Variants in VRK3 observed in about 807,000 individuals in gnomAD.
The protein encoded by VRK3 is serine/threonine-protein kinase VRK3.
In VRK3, 50 loss-of-function variants were observed where a neutral mutation model predicts 60.4. The ratio of observed to expected loss-of-function variants is 0.83; its 90% CI spans 0.66 to 1.05. VRK3 has a LOEUF of 1.05. Among genes scored for constraint, VRK3 ranks in the 50% least tolerant of loss-of-function variants. The probability of loss-of-function intolerance (pLI) is 0.00; values close to 1 mark genes in which losing one functional copy is unlikely to be tolerated. For missense variants in VRK3, 549 were observed against 585.3 expected (o/e 0.94, Z 0.64); for synonymous variants, 246 against 227.8 (o/e 1.08, Z -0.72).
intron 1 of VRK3, among the ~76,000 whole-genome samples, chr19:50,023,741 G>C (rs533811493): frequency 0.052 from 7,964 of 152,036 alleles, 687 homozygotes; most frequent in African/African-American, 0.18. Flanking sequence ...AAGGTGGGTG[G>C]GGGGGGTCCC....
rs557689483 is a variant in VRK3 at position 50,011,175 on chromosome 19, A to G, written c.140-1790T>C. 1.1e-4 allele frequency among the ~76,000 whole-genome samples: 17 copies of G among 152,334 alleles called. No homozygotes were observed. In the East Asian group the frequency reaches 2.9e-3, roughly 26 times the overall value. ...CACAGGCTCAAGGCCATCAGCAAACAGCCCCAGGACAAATAACACCTATGT... is the reference window on the plus strand; with the variant it reads ...CACAGGCTCAAGGCCATCAGCAAACGGCCCCAGGACAAATAACACCTATGT... On this transcript the variant is annotated intron_variant, in intron 3 of 14. Coordinates refer to ENST00000316763, the MANE Select transcript of VRK3 (RefSeq NM_016440.4).
At chr19:49,989,129 T>A (rs1380055713) in intron 11 of VRK3, among the ~76,000 whole-genome samples, 2 of 152,036 alleles carry the variant, frequency 1.3e-5, no homozygotes, top group African/African-American at 4.8e-5. Context: ...GATGGGAGGA[T>A]GTGGCAGGCA....
chr19:49,991,092 C>T lies in VRK3; in HGVS notation c.964-1321G>A, dbSNP rs1056069492. Among the ~76,000 whole-genome samples, 11 of 152,182 alleles carry T rather than the reference C, an allele frequency of 7.2e-5. 1 individual carries two copies. The highest frequency in any genetic ancestry group is 2.7e-4 in the African/African-American group (11 of 41,442). On this transcript the variant is annotated intron_variant, in intron 10 of 14. Coordinates refer to ENST00000316763, the MANE Select transcript of VRK3 (RefSeq NM_016440.4). ...ACAGGTGTGAGCCACTGGGCCTGGC[C>T]ATGATGGTCATTTTTATGTGGCAAC... is the stretch of plus-strand genomic sequence containing the variant.
intron 5 of VRK3, 26 bp downstream of exon 5, chr19:50,007,543 C>T: frequency 6.2e-7 from 1 of 1,610,932 alleles, no homozygotes; most frequent in Non-Finnish European, 8.5e-7. Flanking sequence ...CGACCCAGTC[C>T]CTGGCCGCCC....
intron 10 of VRK3, among the ~76,000 whole-genome samples, chr19:49,990,142 T>C (rs1568782091): frequency 6.6e-6 from 1 of 152,118 alleles, no homozygotes; most frequent in East Asian, 1.9e-4. Context: ...TACACTTTAA[T>C]AGTGGTTCTG....
rs75888748 is a variant in VRK3 at position 49,985,835 on chromosome 19, C to T, written c.1217+2537G>A. On this transcript the variant is annotated intron_variant, in intron 12 of 14. Coordinates refer to ENST00000316763, the MANE Select transcript of VRK3 (RefSeq NM_016440.4). ...CAGTTCACCTCATAAGCCTCCTCCA[C>T]TTGGGAAGCAGCACGTAGGTGACAT... Among the ~76,000 whole-genome samples the T allele has an allele frequency of 3.3e-3, 506 of 152,328 alleles. 1 individual carries two copies. The highest frequency in any genetic ancestry group is 4.1e-3 in the Non-Finnish European group (279 of 68,030).
chr19:50,019,186 A>T, intron 2 of VRK3: 2 of 130,408 alleles, frequency 1.5e-5, no homozygotes, highest in South Asian at 4.5e-4. Context: ...AAAAAAAAAA[A>T]AGAAAAAAAA....
At chr19:50,002,442 TG>T (rs1166080075) in intron 5 of VRK3, among the ~76,000 whole-genome samples, 2 of 151,990 alleles carry the variant, frequency 1.3e-5, no homozygotes, top group African/African-American at 4.8e-5. Context: ...TGGAGCAGGC[TG>T]TGACATCATG....
intron 9 of VRK3, among the ~76,000 whole-genome samples, chr19:49,994,403 T>C (rs2076665169): frequency 6.6e-6 from 1 of 152,218 alleles, no homozygotes; most frequent in African/African-American, 2.4e-5. Context: ...AATGAACTAA[T>C]GAACAAATGC....
intron 7 of VRK3, among the ~76,000 whole-genome samples, chr19:49,995,991 G>A (rs1445362642): frequency 2.6e-5 from 4 of 151,880 alleles, no homozygotes; most frequent in Admixed American, 6.6e-5. Context: ...GCGTGATCTC[G>A]GCTCACTGCA....
At chr19:49,999,009 G>C (rs892931059) in intron 6 of VRK3, 1 of 142,274 alleles carries the variant, frequency 7.0e-6, no homozygotes, top group Non-Finnish European at 1.5e-5. Flanking sequence ...TGTGGTCCCA[G>C]CTACTTGGGA....
At chr19:49,997,176 G>C (rs1302976932) in intron 7 of VRK3, 1 of 187,532 alleles carries the variant, frequency 5.3e-6, no homozygotes, top group Non-Finnish European at 1.1e-5. Context: ...GTAGAGATAA[G>C]GTTTTGCCAC....
chr19:50,003,465 C>G (rs1314762780), intron 5 of VRK3, among the ~76,000 whole-genome samples: 1 of 152,240 alleles, frequency 6.6e-6, no homozygotes, highest in East Asian at 1.9e-4. Flanking sequence ...GCAGCTCTCC[C>G]AAGTGCACCG....
chr19:49,984,950 T>C (rs1239863240), intron 12 of VRK3, among the ~76,000 whole-genome samples: 3 of 152,166 alleles, frequency 2.0e-5, no homozygotes, highest in Non-Finnish European at 4.4e-5. Context: ...GCACCCACAA[T>C]GTGTGCTCTC....
At chr19:50,007,251 C>T (rs1386209025) in intron 5 of VRK3, among the ~76,000 whole-genome samples, 1 of 152,138 alleles carries the variant, frequency 6.6e-6, no homozygotes, top group African/African-American at 2.4e-5. Context: ...AACATGCAGC[C>T]CCTGGGCCTG....
chr19:50,018,107 G>GT (rs1205696163), intron 2 of VRK3, among the ~76,000 whole-genome samples: 1 of 152,226 alleles, frequency 6.6e-6, no homozygotes, highest in African/African-American at 2.4e-5. Flanking sequence ...TGCTGGGCAA[G>GT]CTACTTAACC....
Position 49,995,003 on chromosome 19 carries a change from G to T in VRK3, c.765-84C>A, listed in dbSNP as rs1029303329. 2.1e-5 allele frequency: 29 copies of T among 1,375,536 alleles called. No homozygotes were observed. In the Admixed American group the frequency reaches 2.8e-4, roughly 13 times the overall value. The allele number at this position is 1,375,536 out of a possible 1,614,324, so 85.2% of individuals were successfully genotyped here. ...CCGCCAAGGATGGACTGTTGCGTGG[G>T]CTGCAAGGTCCTGGTCCCAGGTGAG... On this transcript the variant is annotated intron_variant, in intron 8 of 14. Coordinates refer to ENST00000316763, the MANE Select transcript of VRK3 (RefSeq NM_016440.4).
intron 3 of VRK3, among the ~76,000 whole-genome samples, chr19:50,010,018 C>A (rs1314784391): frequency 6.6e-6 from 1 of 151,886 alleles, no homozygotes; most frequent in East Asian, 1.9e-4. Flanking sequence ...GTTTAAACCA[C>A]CCACCGAGTT....
intron 5 of VRK3, chr19:50,001,347 C>T (rs1355837898): frequency 6.4e-6 from 1 of 157,110 alleles, no homozygotes; most frequent in Non-Finnish European, 1.4e-5. Context: ...CAGCCTGTGG[C>T]TGGGCAATTA....
Sources: allele counts gnomAD v4.1 joint callset (sites outside exome capture counted in the v4.1 genomes callset), GRCh38; gene constraint gnomAD v4.1.1; transcripts MANE v1.5; gene names NCBI Gene and HGNC (gene_info 2026-07-23, HGNC 2026-07-21).